Variants in DUS4L observed in about 807,000 individuals in gnomAD.
DUS4L encodes tRNA-dihydrouridine(20a/20b) synthase [NAD(P)+]-like.
Under a neutral mutation model 33.8 loss-of-function variants are expected in DUS4L, and 31 were observed. The observed-to-expected ratio is 0.92, with a 90% CI of 0.69 to 1.24. The LOEUF (loss-of-function observed/expected upper bound fraction) is 1.24. Among genes scored for constraint, DUS4L ranks in the 50% most tolerant of loss-of-function variants. The probability of loss-of-function intolerance (pLI) is 0.00; values close to 1 mark genes in which losing one functional copy is unlikely to be tolerated. For synonymous variants in DUS4L, 103 were observed against 120.3 expected, an observed-to-expected ratio of 0.86 and a Z score of 0.94; for missense variants, 368 against 388.6, an observed-to-expected ratio of 0.95 and a Z score of 0.45.
chr7:107,576,250 A>T (rs1334230519), intron 6 of DUS4L, 116 bp from the exon 7 acceptor site: 1 of 1,002,470 alleles, frequency 1.0e-6, no homozygotes, highest in Admixed American at 3.0e-5. Context: ...ACATAGAGTA[A>T]TAATATGATA....
intron 4 of DUS4L, among the ~76,000 whole-genome samples, chr7:107,573,002 T>C (rs1424228444): frequency 6.6e-6 from 1 of 152,138 alleles, no homozygotes; most frequent in East Asian, 1.9e-4. Context: ...GGAAAAATTA[T>C]ATACAGAAAA....
At chr7:107,564,274 C>G in intron 1 of DUS4L, 65 bp downstream of exon 1, 1 of 511,984 alleles carries the variant, frequency 2.0e-6, no homozygotes, top group African/African-American at 2.0e-5. Flanking sequence ...AGAACAGGGG[C>G]CGCGCGGCGT....
At chr7:107,572,162 G>A (rs1805306552) in intron 4 of DUS4L, among the ~76,000 whole-genome samples, 1 of 151,968 alleles carries the variant, frequency 6.6e-6, no homozygotes, top group Admixed American at 6.6e-5. Flanking sequence ...CTCCTTGAGG[G>A]CTGTAGCTTT....
intron 4 of DUS4L, among the ~76,000 whole-genome samples, chr7:107,572,872 G>A (rs1002284604): frequency 6.6e-6 from 1 of 151,536 alleles, no homozygotes; most frequent in African/African-American, 2.4e-5. Context: ...ACATTTATAT[G>A]TAAGAGCACA....
rs202111245 is a variant in DUS4L at position 107,573,857 on chromosome 7, G to C, written c.356+36G>C. ...AAGAAGTTGGAAGAATTTTCCAAAA[G>C]AGTAGAAAAAAAACTGTGTGAACAT... On this transcript the variant is annotated intron_variant, in intron 5 of 7. Coordinates refer to ENST00000265720, the MANE Select transcript of DUS4L (RefSeq NM_181581.3). 30 of 1,455,158 alleles carry C rather than the reference G, an allele frequency of 2.1e-5. No individual in the cohort carries two copies. In the East Asian group the frequency reaches 7.2e-4, roughly 35 times the overall value. The allele number at this position is 1,455,158 out of a possible 1,614,324, so 90.1% of individuals were successfully genotyped here. A position where few individuals can be genotyped will look rare whatever the true frequency, so the allele number is the denominator to read the frequency against.
At chr7:107,567,780 C>G (rs1804848634) in intron 3 of DUS4L, 1 of 452,526 alleles carries the variant, frequency 2.2e-6, no homozygotes. Flanking sequence ...TCACATTAAA[C>G]TGTGACTCCC....
intron 6 of DUS4L, 154 bp downstream of exon 6, chr7:107,575,464 T>A: frequency 1.3e-6 from 1 of 767,192 alleles, no homozygotes; most frequent in Non-Finnish European, 1.9e-6. Flanking sequence ...AGTAAAAGAA[T>A]ATATACCATA....
At chr7:107,576,819 A>G (rs1335748190) in intron 7 of DUS4L, 9 of 450,314 alleles carry the variant, frequency 2.0e-5, no homozygotes, top group East Asian at 4.0e-5. Context: ...TGACACCATC[A>G]TATCTAGTGA....
chr7:107,575,075 T>C lies in DUS4L; in HGVS notation c.357-113T>C, dbSNP rs928193362. 4.3e-6 allele frequency: 6 copies of C among 1,403,988 alleles called. No individual in the cohort carries two copies. The African/African-American group carries it at 4.3e-5, about 10-fold the overall frequency. 87.0% of individuals were successfully genotyped at this position (1,403,988 alleles called of 1,614,324 possible). ...GAATCTATGAATTTTTTATATCTGC[T>C]TCTCTTCCAGATCACTAGAGAAATG... is the stretch of plus-strand genomic sequence containing the variant. On this transcript the variant is annotated intron_variant, in intron 5 of 7. Coordinates refer to ENST00000265720, the MANE Select transcript of DUS4L (RefSeq NM_181581.3).
chr7:107,566,052 C>T (rs912741296), intron 2 of DUS4L, among the ~76,000 whole-genome samples: 7 of 152,088 alleles, frequency 4.6e-5, no homozygotes, highest in African/African-American at 1.7e-4. Flanking sequence ...TTTATTCCTC[C>T]CAGCTCCAAA....
rs1260360548 is a variant in DUS4L at position 107,566,960 on chromosome 7, A to AT, written c.-21-90_-21-89insT. ...TTTCTGAGCCCACAAGCCTGATAAA[A>AT]AATATATGTTGTTGGCAGTTGAAAT... On this transcript the variant is annotated intron_variant, in intron 2 of 7. Coordinates refer to ENST00000265720, the MANE Select transcript of DUS4L (RefSeq NM_181581.3). 7 of 934,884 alleles carry AT rather than the reference A, an allele frequency of 7.5e-6. No individual in the cohort carries two copies. The African/African-American group carries it at 8.3e-5, about 11-fold the overall frequency. The allele number at this position is 934,884 out of a possible 1,614,324, so 57.9% of individuals were successfully genotyped here. A position where few individuals can be genotyped will look rare whatever the true frequency, so the allele number is the denominator to read the frequency against.
intron 3 of DUS4L, among the ~76,000 whole-genome samples, chr7:107,568,667 T>C (rs1040390513): frequency 6.6e-6 from 1 of 152,250 alleles, no homozygotes; most frequent in Non-Finnish European, 1.5e-5. Flanking sequence ...AAAAGTTTCA[T>C]TTTAATGAAG....
chr7:107,574,508 T>G (rs1289447744), intron 5 of DUS4L, among the ~76,000 whole-genome samples: 1 of 152,008 alleles, frequency 6.6e-6, no homozygotes, highest in African/African-American at 2.4e-5. Flanking sequence ...CAGGCTAATT[T>G]TGTATTTTTA....
chr7:107,577,521 AG>A lies in DUS4L; in HGVS notation c.916del (p.Ala306GlnfsTer3). On this transcript the variant is annotated frameshift_variant, in exon 8 of 8. Coordinates refer to ENST00000265720, the MANE Select transcript of DUS4L (RefSeq NM_181581.3). LOFTEE classifies it high-confidence loss of function. ...TATTTAATGCTCTGTCAAGCACATC[AG>A]CAATCATAGATTACCTTACAGACCA... ...RVFNALSSTS[A>X]IIDYLTDHYG... The A allele has an allele frequency of 3.1e-6, 5 of 1,614,132 alleles. No homozygotes were observed. Among genetic ancestry groups the A allele is most frequent in the Non-Finnish European group, 4.2e-6 (5 of 1,180,016 alleles).
chr7:107,564,703 T>A (rs1804428917), intron 2 of DUS4L, 27 bp downstream of exon 2: 1 of 152,266 alleles, frequency 6.6e-6, no homozygotes, highest in African/African-American at 2.4e-5. Context: ...TCTTCTTTAC[T>A]AATACGTTCG....
At chr7:107,576,141 G>A (rs975823034) in intron 6 of DUS4L, among the ~76,000 whole-genome samples, 45 of 152,224 alleles carry the variant, frequency 3.0e-4, no homozygotes, top group African/African-American at 1.1e-3. Context: ...CTAGGTCTAA[G>A]ATAAAACTTG....
At position 107,564,100 on chromosome 7, in the gene DUS4L, C is replaced by T. The variant is rs1804298562; in HGVS notation, c.-220C>T. ...GCGCCCAGGGTCCGAGTGCTCTGCGCCCAGCGCACCGAGGGAGCCAAGGCC... is the reference window on the plus strand; with the variant it reads ...GCGCCCAGGGTCCGAGTGCTCTGCGTCCAGCGCACCGAGGGAGCCAAGGCC... On this transcript the variant is annotated 5_prime_UTR_variant, in exon 1 of 8. Transcript: ENST00000265720. 3.2e-6 allele frequency: 4 copies of T among 1,232,014 alleles called. No homozygotes were observed. The highest frequency in any genetic ancestry group is 3.4e-6 in the Non-Finnish European group (3 of 878,640). 76.3% of individuals were successfully genotyped at this position (1,232,014 alleles called of 1,614,324 possible).
rs540802498 is a variant in DUS4L, at chr7:107,577,173, T to C, written c.707-140T>C. ...CAAAATTAATTCTTTTGTAATCGGATTAAACATATTAATGCAATAAAGACA... is the reference window on the plus strand; with the variant it reads ...CAAAATTAATTCTTTTGTAATCGGACTAAACATATTAATGCAATAAAGACA... On this transcript the variant is annotated intron_variant, in intron 7 of 7. Transcript: ENST00000265720. 15 of 1,196,586 alleles carry C rather than the reference T, an allele frequency of 1.3e-5. No homozygotes were observed. In the South Asian group the frequency reaches 1.5e-4, roughly 12 times the overall value. The allele number at this position is 1,196,586 out of a possible 1,614,324, so 74.1% of individuals were successfully genotyped here.
At position 107,573,868 on chromosome 7, in the gene DUS4L, A is replaced by G. The variant is rs1332059007; in HGVS notation, c.356+47A>G. ...AGAATTTTCCAAAAGAGTAGAAAAAAAACTGTGTGAACATGGTAAAATATC... is the reference window on the plus strand; with the variant it reads ...AGAATTTTCCAAAAGAGTAGAAAAAGAACTGTGTGAACATGGTAAAATATC... On this transcript the variant is annotated intron_variant, in intron 5 of 7. Transcript: ENST00000265720. The G allele has an allele frequency of 4.1e-6, 6 of 1,447,184 alleles. No homozygotes were observed. In the African/African-American group the frequency reaches 8.7e-5, roughly 21 times the overall value. 89.6% of individuals were successfully genotyped at this position (1,447,184 alleles called of 1,614,324 possible). A position where few individuals can be genotyped will look rare whatever the true frequency, so the allele number is the denominator to read the frequency against.
Sources: allele counts gnomAD v4.1 joint callset (sites outside exome capture counted in the v4.1 genomes callset), GRCh38; gene constraint gnomAD v4.1.1; transcripts MANE v1.5; gene names NCBI Gene and HGNC (gene_info 2026-07-23, HGNC 2026-07-21).